The following CFAP43 variants were observed in gnomAD, a reference collection of about 807,000 sequenced individuals.
CFAP43 encodes the protein cilia- and flagella-associated protein 43.
In CFAP43, 155 loss-of-function variants were observed where a neutral mutation model predicts 218.9. The observed-to-expected ratio is 0.71, with a 90% CI of 0.62 to 0.81. The LOEUF is 0.81. Among genes scored for constraint, CFAP43 ranks in the 30% least tolerant of loss-of-function variants. The pLI, the probability that CFAP43 is intolerant of heterozygous loss-of-function variation, is 0.00. For missense variants in CFAP43, 1,778 were observed against 1,954.3 expected (o/e 0.91, Z 1.70); for synonymous variants, 645 against 681.3 (o/e 0.95, Z 0.83).
chr10:104,131,378 T>G lies in CFAP43; in HGVS notation c.4784A>C (p.Glu1595Ala), dbSNP rs544243935. 1 of 1,613,592 alleles carries G rather than the reference T, an allele frequency of 6.2e-7. No homozygotes were observed. Among genetic ancestry groups the G allele is most frequent in the East Asian group, 2.2e-5 (1 of 44,812 alleles). Residue 1595 changes from glutamate to alanine, a missense_variant, in exon 37 of 38, where the codon GAA becomes GCA. By Grantham distance (107) the Glu-to-Ala change is moderately radical (BLOSUM62 -1). Transcript: ENST00000357060. ...ANYALSCNLR[E>A]ELVAVSERKD... ...TCTCTCTGAGACAGCTACCAACTCT[T>G]CTCGTAGATTGCAGCTTAGGGCATA... is the stretch of plus-strand genomic sequence containing the variant.
At chr10:104,191,203 T>C (rs1267316701) in intron 12 of CFAP43, among the ~76,000 whole-genome samples, 1 of 152,196 alleles carries the variant, frequency 6.6e-6, no homozygotes, top group African/African-American at 2.4e-5. Context: ...CAGCTCCATC[T>C]TGAAACCACT....
Position 104,179,872 on chromosome 10 carries a change from C to T in CFAP43, c.2350G>A (p.Glu784Lys). The change falls in exon 18 of 38, where the codon GAA becomes AAA. Residue 784 changes from glutamate to lysine, a missense_variant. Glu to Lys is a moderately conservative substitution (Grantham distance 56, BLOSUM62 1). Transcript: ENST00000357060. ...DELVLTDVKK[E>K]IPWIQQKSQE... ...CTTTTTTGTTGTATCCAAGGAATTT[C>T]CTTCTTAACATCGGTTAGAACTAAT... The T allele has an allele frequency of 1.2e-6, 2 of 1,613,740 alleles. No homozygotes were observed. The highest frequency in any genetic ancestry group is 8.5e-7 in the Non-Finnish European group (1 of 1,179,864).
chr10:104,142,038 A>G (rs1433289865), intron 33 of CFAP43, among the ~76,000 whole-genome samples: 1 of 152,226 alleles, frequency 6.6e-6, no homozygotes, highest in Non-Finnish European at 1.5e-5. Context: ...GACTTAAAAC[A>G]ATACTAAGAT....
intron 2 of CFAP43, among the ~76,000 whole-genome samples, chr10:104,228,646 T>C (rs1159676068): frequency 6.6e-6 from 1 of 152,168 alleles, no homozygotes; most frequent in African/African-American, 2.4e-5. Flanking sequence ...CATCCAGGAA[T>C]ATATTTCTAT....
At chr10:104,198,168 C>A (rs2090430434) in intron 8 of CFAP43, 130 bp from the exon 9 acceptor site, 2 of 539,624 alleles carry the variant, frequency 3.7e-6, no homozygotes. Flanking sequence ...CAGATCAACT[C>A]AGTAAGACCT....
In CFAP43 at chr10:104,187,349, A is replaced by T. The variant is rs751541404; in HGVS notation, c.1831T>A (p.Tyr611Asn). ...QIYGFCSQVP[Y>N]ICSYLLPEEE... Reference sequence around the variant, plus strand: ...TCAGGAAGAAGGTAGCTACAGATGTATGGCACTTGACTACAGAAGCCATAT... The same window carrying T: ...TCAGGAAGAAGGTAGCTACAGATGTTTGGCACTTGACTACAGAAGCCATAT... Residue 611 changes from tyrosine to asparagine, a missense_variant, in exon 14 of 38, where the codon TAC becomes AAC. Around this residue, in one of 3 missense-constraint regions of CFAP43, gnomAD observed 1,553 missense variants for 1,685.2 expected, o/e 0.92. Coordinates refer to ENST00000357060, the MANE Select transcript of CFAP43 (RefSeq NM_025145.7). 21 of 1,606,374 alleles carry T rather than the reference A, an allele frequency of 1.3e-5. No homozygotes were observed. The South Asian group carries it at 2.0e-4, about 15-fold the overall frequency.
chr10:104,192,735 G>A, intron 11 of CFAP43: 1 of 172,730 alleles, frequency 5.8e-6, no homozygotes, highest in South Asian at 1.4e-4. Context: ...AGAAAAAGTG[G>A]GAAGATGTAA....
intron 5 of CFAP43, among the ~76,000 whole-genome samples, chr10:104,211,598 C>G (rs1053451846): frequency 6.6e-6 from 1 of 152,146 alleles, no homozygotes; most frequent in African/African-American, 2.4e-5. Flanking sequence ...TCTTCCCTTG[C>G]ACCCTTTCTC....
At chr10:104,176,414 C>T (rs2089633159) in intron 19 of CFAP43, among the ~76,000 whole-genome samples, 1 of 151,972 alleles carries the variant, frequency 6.6e-6, no homozygotes, top group Non-Finnish European at 1.5e-5. Flanking sequence ...AGAGGTAAAA[C>T]CCAAAAGTTA....
chr10:104,197,025 T>C (rs1251014602), intron 9 of CFAP43, 92 bp from the exon 10 acceptor site: 1 of 931,048 alleles, frequency 1.1e-6, no homozygotes, highest in African/African-American at 1.7e-5. Flanking sequence ...GCCAATGATT[T>C]AGTATAAAAT....
chr10:104,232,067 G>T, intron 1 of CFAP43, 115 bp downstream of exon 1: 1 of 1,234,352 alleles, frequency 8.1e-7, no homozygotes, highest in Non-Finnish European at 1.1e-6. Context: ...AGGGGAAGAG[G>T]TCGAAGCTGC....
chr10:104,146,140 A>T (rs1413249149), intron 30 of CFAP43, 123 bp downstream of exon 30: 12 of 690,498 alleles, frequency 1.7e-5, no homozygotes, highest in Non-Finnish European at 4.9e-6. Flanking sequence ...GTTCACCCAT[A>T]GCTGAGAATT....
chr10:104,175,084 C>CAAAA (rs1309874058), intron 19 of CFAP43, among the ~76,000 whole-genome samples: 136 of 148,674 alleles, frequency 9.1e-4, no homozygotes, highest in Non-Finnish European at 1.6e-3. Context: ...AACAAACAAA[C>CAAAA]AAACAAAAAA....
At chr10:104,192,507 C>A in intron 11 of CFAP43, 1 of 510,358 alleles carries the variant, frequency 2.0e-6, no homozygotes. Context: ...TTCCAAATTG[C>A]AACTTTAATA....
At chr10:104,167,444 T>C in intron 22 of CFAP43, 177 bp downstream of exon 22, 1 of 399,180 alleles carries the variant, frequency 2.5e-6, no homozygotes, top group Non-Finnish European at 4.4e-6. Context: ...CCTTGATTTA[T>C]TGTGTGGATA....
chr10:104,143,375 G>T, intron 32 of CFAP43, 51 bp downstream of exon 32: 1 of 1,484,340 alleles, frequency 6.7e-7, no homozygotes, highest in Non-Finnish European at 9.2e-7. Flanking sequence ...TGTAAACTAT[G>T]TATTTGATAT....
intron 3 of CFAP43, among the ~76,000 whole-genome samples, chr10:104,216,479 C>T (rs1051443453): frequency 6.6e-6 from 1 of 152,182 alleles, no homozygotes; most frequent in Non-Finnish European, 1.5e-5. Context: ...ACCTGTGCCT[C>T]GCCTCACACC....
At chr10:104,190,692 A>C (rs959078723) in intron 12 of CFAP43, among the ~76,000 whole-genome samples, 8 of 152,218 alleles carry the variant, frequency 5.3e-5, no homozygotes, top group Non-Finnish European at 1.0e-4. Context: ...TCAGGCTAGA[A>C]ATTTTGGAGT....
intron 3 of CFAP43, among the ~76,000 whole-genome samples, chr10:104,218,606 C>A (rs1279329445): frequency 6.6e-6 from 1 of 152,004 alleles, no homozygotes; most frequent in Non-Finnish European, 1.5e-5. Context: ...GTGTTGAGAA[C>A]CTTGGTACTA....
Sources: allele counts gnomAD v4.1 joint callset (sites outside exome capture counted in the v4.1 genomes callset), GRCh38; gene constraint gnomAD v4.1.1; regional missense constraint gnomAD v4.1.1; transcripts MANE v1.5; gene names NCBI Gene and HGNC (gene_info 2026-07-23, HGNC 2026-07-21).